COL19A1: variants seen among roughly 807,000 people sequenced by gnomAD.
COL19A1 encodes collagen alpha-1(XIX) chain.
Under a neutral mutation model 190.2 loss-of-function variants are expected in COL19A1, and 159 were observed. That is an observed-to-expected ratio of 0.84 (90% CI 0.73 to 0.95). COL19A1 has a LOEUF of 0.95. Among genes scored for constraint, COL19A1 ranks in the 40% least tolerant of loss-of-function variants. COL19A1 has a pLI of 0.00. For missense variants in COL19A1, 1,418 were observed against 1,431.9 expected, an observed-to-expected ratio of 0.99 and a Z score of 0.16; for synonymous variants, 509 against 458.9, an observed-to-expected ratio of 1.11 and a Z score of -1.39.
chr6:69,894,409 C>T (rs1360159368), intron 2 of COL19A1, among the ~76,000 whole-genome samples: 3 of 152,218 alleles, frequency 2.0e-5, no homozygotes, highest in Admixed American at 6.5e-5. Context: ...CCTTAAAACA[C>T]TTAGCAAACC....
intron 11 of COL19A1, among the ~76,000 whole-genome samples, chr6:70,021,743 A>C (rs1437774859): frequency 6.6e-6 from 1 of 152,190 alleles, no homozygotes; most frequent in Non-Finnish European, 1.5e-5. Context: ...ATGGTTGAGC[A>C]CTTGAAATGT....
At chr6:69,944,290 C>A (rs1359295610) in intron 9 of COL19A1, among the ~76,000 whole-genome samples, 1 of 152,150 alleles carries the variant, frequency 6.6e-6, no homozygotes, top group Non-Finnish European at 1.5e-5. Flanking sequence ...GCATCTATTT[C>A]TTTCCCTGTT....
At chr6:69,946,350 A>G (rs1385489370) in intron 9 of COL19A1, among the ~76,000 whole-genome samples, 5 of 152,014 alleles carry the variant, frequency 3.3e-5, no homozygotes, top group African/African-American at 1.2e-4. Context: ...TTGTTGTGGT[A>G]TGGCTACAGA....
intron 14 of COL19A1, among the ~76,000 whole-genome samples, chr6:70,053,469 A>G (rs1369345785): frequency 6.6e-6 from 1 of 152,204 alleles, no homozygotes; most frequent in Non-Finnish European, 1.5e-5. Flanking sequence ...TGACACTGGA[A>G]CAACCTGAGC....
intron 4 of COL19A1, among the ~76,000 whole-genome samples, chr6:69,910,243 A>T (rs989415836): frequency 6.6e-6 from 1 of 152,166 alleles, no homozygotes; most frequent in African/African-American, 2.4e-5. Context: ...AATGATTCTT[A>T]TAATACCACC....
intron 15 of COL19A1, among the ~76,000 whole-genome samples, chr6:70,095,723 A>G (rs1438573226): frequency 5.3e-5 from 8 of 152,016 alleles, no homozygotes; most frequent in Non-Finnish European, 7.4e-5. Context: ...GGTAACCCCC[A>G]TTCTATTTTC....
intron 42 of COL19A1, among the ~76,000 whole-genome samples, chr6:70,177,229 C>T (rs1441093427): frequency 6.6e-6 from 1 of 152,138 alleles, no homozygotes; most frequent in Non-Finnish European, 1.5e-5. Context: ...GAATAAGAGG[C>T]CATTTATCCT....
At chr6:70,171,057 C>A (rs193158697) in intron 40 of COL19A1, among the ~76,000 whole-genome samples, 1 of 152,188 alleles carries the variant, frequency 6.6e-6, no homozygotes, top group African/African-American at 2.4e-5. Context: ...GCAAGCTTGT[C>A]CAACCCATGG....
rs140283912 is a variant in COL19A1, at chr6:69,871,363, G to A, written c.-33+4723G>A. Among the ~76,000 whole-genome samples, 32 of 152,210 alleles carry A rather than the reference G, an allele frequency of 2.1e-4. 1 individual carries two copies. In the East Asian group the frequency reaches 5.6e-3, roughly 27 times the overall value. ...GACCAGATTTTCCTGGTGGAGTTAC[G>A]TATGTATAGGCATACTGGATGGTGG... On this transcript the variant is annotated intron_variant, in intron 1 of 50. Transcript: ENST00000620364.
rs569649456 is a variant in COL19A1, at chr6:69,929,485, G to A, written c.451G>A (p.Gly151Arg). The A allele has an allele frequency of 6.2e-7, 1 of 1,613,958 alleles. No homozygotes were observed. The highest frequency in any genetic ancestry group is 1.7e-5 in the Admixed American group (1 of 59,986). The change falls in exon 6 of 51, where the codon GGA becomes AGA. Residue 151 changes from glycine to arginine, a missense_variant. Coordinates refer to ENST00000620364, the MANE Select transcript of COL19A1 (RefSeq NM_001858.6). The part of the protein sequence containing the change: ...VVEFMFQATE[G>R]DVLNYIFRNR... ...GGAATTTATGTTTCAAGCCACAGAG[G>A]GAGATGTGTTGAACTACATTTTTAG... is the stretch of plus-strand genomic sequence containing the variant.
chr6:70,062,943 T>C (rs1163325618), intron 14 of COL19A1, among the ~76,000 whole-genome samples: 2 of 152,082 alleles, frequency 1.3e-5, no homozygotes, highest in Non-Finnish European at 1.5e-5. Context: ...ATCCTAAATA[T>C]ATATGCACCC....
At chr6:69,948,181 A>G (rs1382130081) in intron 9 of COL19A1, among the ~76,000 whole-genome samples, 10 of 151,820 alleles carry the variant, frequency 6.6e-5, no homozygotes, top group African/African-American at 2.4e-4. Context: ...GAGTTTTTGA[A>G]TTATTCTGAA....
chr6:69,961,026 G>A (rs1257058995), intron 10 of COL19A1, among the ~76,000 whole-genome samples: 2 of 152,022 alleles, frequency 1.3e-5, no homozygotes, highest in Non-Finnish European at 2.9e-5. Flanking sequence ...TTGGAGGGAC[G>A]GGGAGCCACT....
chr6:69,982,838 G>T (rs1243907673), intron 11 of COL19A1, among the ~76,000 whole-genome samples: 3 of 151,516 alleles, frequency 2.0e-5, no homozygotes, highest in African/African-American at 7.3e-5. Flanking sequence ...CGGGCTTGGT[G>T]GTGGGCGCCT....
At chr6:70,168,982 C>G (rs1441369697) in intron 40 of COL19A1, among the ~76,000 whole-genome samples, 2 of 152,022 alleles carry the variant, frequency 1.3e-5, no homozygotes, top group Non-Finnish European at 2.9e-5. Context: ...TCTAATAGCC[C>G]TCTTCTGATA....
chr6:69,877,608 A>G (rs138219552), intron 1 of COL19A1, among the ~76,000 whole-genome samples: 135 of 152,312 alleles, frequency 8.9e-4, no homozygotes, highest in African/African-American at 2.4e-3. Flanking sequence ...AATATGTAAA[A>G]CTAATATTCA....
chr6:70,017,467 T>A (rs1014117543), intron 11 of COL19A1, among the ~76,000 whole-genome samples: 3 of 152,140 alleles, frequency 2.0e-5, no homozygotes, highest in Admixed American at 2.0e-4. Flanking sequence ...AGTGTATCAG[T>A]ATTATGGCAA....
intron 1 of COL19A1, among the ~76,000 whole-genome samples, chr6:69,868,542 A>G (rs777283607): frequency 2.0e-5 from 3 of 152,098 alleles, no homozygotes; most frequent in Non-Finnish European, 4.4e-5. Context: ...TGAGCTCTCT[A>G]AGTGCTAAGG....
intron 17 of COL19A1, among the ~76,000 whole-genome samples, chr6:70,125,948 A>G (rs1332940964): frequency 3.3e-5 from 5 of 151,980 alleles, no homozygotes; most frequent in Non-Finnish European, 7.4e-5. Flanking sequence ...TCCTTACTAC[A>G]CTTTAAATGG....
Sources: gnomAD v4.1 joint callset for allele counts (sites outside exome capture counted in the v4.1 genomes callset) on GRCh38, gnomAD v4.1.1 for gene constraint, MANE v1.5 for transcripts, NCBI Gene and HGNC (gene_info 2026-07-23, HGNC 2026-07-21) for gene names.